ZFYVE9: variants seen among roughly 807,000 people sequenced by gnomAD.
The protein encoded by ZFYVE9 is zinc finger FYVE-type containing 9.
Under a neutral mutation model 126.7 loss-of-function variants are expected in ZFYVE9, and 43 were observed. The observed-to-expected ratio is 0.34, with a 90% confidence interval of 0.27 to 0.44. The LOEUF (loss-of-function observed/expected upper bound fraction) is 0.44, where lower values mean the gene tolerates loss of function less well. Among genes scored for constraint, ZFYVE9 ranks in the 20% least tolerant of loss-of-function variants. The pLI is 1.00. For synonymous variants in ZFYVE9, 521 were observed against 597.4 expected (o/e 0.87, Z 1.87); for missense variants, 1,476 against 1,697.0 (o/e 0.87, Z 2.29).
At position 52,266,672 on chromosome 1, in the gene ZFYVE9, A is replaced by G. The variant is rs779902842; in HGVS notation, c.2296A>G (p.Met766Val). The G allele has an allele frequency of 5.0e-6, 8 of 1,596,562 alleles. No homozygotes were observed. In the Admixed American group the frequency reaches 1.1e-4, roughly 21 times the overall value. The change falls in exon 6 of 19, where the codon ATG becomes GTG. Residue 766 changes from methionine (M) to valine (V), a missense_variant. By Grantham distance (21) the Met-to-Val change is conservative. This residue lies in a region of ZFYVE9 where 669 missense variants were observed against 902.4 expected (regional missense o/e 0.74). Coordinates refer to ENST00000287727, the MANE Select transcript of ZFYVE9 (RefSeq NM_004799.4). Reference protein sequence around the residue: ...VLMNAQAWENMMSASSQSPNP... With the variant: ...VLMNAQAWENVMSASSQSPNP... ...TGCTTTAGCTCAAGCCTGGGAGAAC[A>G]TGATGAGTGCCTCAAGCCAGAGCCC... is the stretch of plus-strand genomic sequence containing the variant.
At chr1:52,241,700 C>T (rs1053990359) in intron 4 of ZFYVE9, among the ~76,000 whole-genome samples, 7 of 151,990 alleles carry the variant, frequency 4.6e-5, no homozygotes, top group African/African-American at 7.3e-5. Context: ...CTTTTTCCCT[C>T]GTTTACCTTA....
rs113549507 is a variant in ZFYVE9, at chr1:52,157,128, G to A, written c.-143+14725G>A. On this transcript the variant is annotated intron_variant, in intron 1 of 18. Coordinates refer to ENST00000287727, the MANE Select transcript of ZFYVE9 (RefSeq NM_004799.4). ...ATTACAGGCGTGAGCCACCGCACCCGGCCTCCTTCCCCACTTTATAGTTGC... is the reference window on the plus strand; with the variant it reads ...ATTACAGGCGTGAGCCACCGCACCCAGCCTCCTTCCCCACTTTATAGTTGC... Among the ~76,000 whole-genome samples, 241 of 152,158 alleles carry A rather than the reference G, an allele frequency of 1.6e-3. 2 individuals carry two copies. The highest frequency in any genetic ancestry group is 5.2e-3 in the African/African-American group (216 of 41,514).
chr1:52,319,777 G>C (rs2147857724), intron 13 of ZFYVE9, among the ~76,000 whole-genome samples: 1 of 151,772 alleles, frequency 6.6e-6, no homozygotes, highest in South Asian at 2.1e-4. Context: ...CACTTGGGGA[G>C]GCCAAGGTGG....
chr1:52,237,787 G>C lies in ZFYVE9; in HGVS notation c.370G>C (p.Asp124His). The change falls in exon 4 of 19, where the codon GAT becomes CAT. Residue 124 changes from aspartate to histidine, a missense_variant. This residue lies in a region of ZFYVE9 where 807 missense variants were observed against 794.6 expected (regional missense o/e 1.02). Transcript: ENST00000287727. ...AATTAAGAGAAACTATAGTTGGGAT[G>C]ATCAATGCAGTGCTGTTGAAGTGGG... ...QLIKRNYSWD[D>H]QCSAVEVGEK... 6.2e-7 allele frequency: 1 copy of C among 1,614,130 alleles called. No individual in the cohort carries two copies. The highest frequency in any genetic ancestry group is 8.5e-7 in the Non-Finnish European group (1 of 1,179,988).
chr1:52,293,142 G>T (rs1645939297), intron 10 of ZFYVE9, among the ~76,000 whole-genome samples: 1 of 152,002 alleles, frequency 6.6e-6, no homozygotes, highest in South Asian at 2.1e-4. Flanking sequence ...ACTTTGGGAG[G>T]CTGAGGCAGG....
At chr1:52,343,572 A>T (rs977610003) in intron 17 of ZFYVE9, among the ~76,000 whole-genome samples, 2 of 151,884 alleles carry the variant, frequency 1.3e-5, no homozygotes, top group African/African-American at 4.8e-5. Flanking sequence ...CCTGGCCAAC[A>T]TGGTGAAACC....
intron 1 of ZFYVE9, among the ~76,000 whole-genome samples, chr1:52,214,930 A>C (rs187015865): frequency 6.6e-6 from 1 of 152,318 alleles, no homozygotes; most frequent in African/African-American, 2.4e-5. Flanking sequence ...GTCTGGTCAC[A>C]CTGGGGAGGG....
At chr1:52,343,873 A>G (rs1324035921) in intron 17 of ZFYVE9, among the ~76,000 whole-genome samples, 1 of 150,118 alleles carries the variant, frequency 6.7e-6, no homozygotes, top group African/African-American at 2.5e-5. Context: ...GGAGTTCAAG[A>G]CCAGCCTGGC....
chr1:52,211,377 T>C (rs1346374159), intron 1 of ZFYVE9, among the ~76,000 whole-genome samples: 4 of 152,118 alleles, frequency 2.6e-5, no homozygotes, highest in Non-Finnish European at 5.9e-5. Flanking sequence ...ATGGGAGATA[T>C]AGTAGCAGCC....
At chr1:52,211,411 T>TC (rs1168375837) in intron 1 of ZFYVE9, among the ~76,000 whole-genome samples, 1 of 152,158 alleles carries the variant, frequency 6.6e-6, no homozygotes, top group Non-Finnish European at 1.5e-5. Flanking sequence ...CAATCTGCCA[T>TC]CCCTACCTGA....
At chr1:52,292,513 C>T (rs1645932206) in intron 10 of ZFYVE9, among the ~76,000 whole-genome samples, 1 of 145,210 alleles carries the variant, frequency 6.9e-6, no homozygotes, top group Admixed American at 6.9e-5. Flanking sequence ...ACTCTATCGC[C>T]TAGGCTGGAG....
Position 52,332,923 on chromosome 1 carries a change from G to GC in ZFYVE9, c.3589+6dup, listed in dbSNP as rs753141458. 2.5e-6 allele frequency: 4 copies of GC among 1,613,920 alleles called. No individual in the cohort carries two copies. In the African/African-American group the frequency reaches 5.3e-5, roughly 22 times the overall value. On this transcript the variant is annotated splice_donor_region_variant and intron_variant, in intron 14 of 18. Transcript: ENST00000287727. ...TTCACAATCAGCCCAGAAAAGGTGAGCATTTGAGCTGGTTGAGATTATGAT... is the reference window on the plus strand; with the variant it reads ...TTCACAATCAGCCCAGAAAAGGTGAGCCATTTGAGCTGGTTGAGATTATGAT...
At chr1:52,295,847 A>C in intron 11 of ZFYVE9, 48 bp from the exon 12 acceptor site, 1 of 1,502,734 alleles carries the variant, frequency 6.7e-7, no homozygotes, top group Non-Finnish European at 9.2e-7. Context: ...TCTTTTACCA[A>C]AGTTTTATGT....
In ZFYVE9 at chr1:52,266,405, T is replaced by TTAAAAAAAA. The variant is rs1181730554; in HGVS notation, c.2279-250_2279-249insTAAAAAAAA. ...AGCCACCACTCCCGGTCTAATTCTT[T>TTAAAAAAAA]AAAAAAAAAAAAAAAAAAAAAAAAA... On this transcript the variant is annotated intron_variant, in intron 5 of 18. Coordinates refer to ENST00000287727, the MANE Select transcript of ZFYVE9 (RefSeq NM_004799.4). Among the ~76,000 whole-genome samples, 384 of 85,636 alleles carry TTAAAAAAAA rather than the reference T, an allele frequency of 4.5e-3. 4 individuals carry two copies. The highest frequency in any genetic ancestry group is 0.017 in the African/African-American group (365 of 20,870). 56.2% of individuals were successfully genotyped at this position (85,636 alleles called of 152,430 possible). A position where few individuals can be genotyped will look rare whatever the true frequency, so the allele number is the denominator to read the frequency against.
At chr1:52,218,236 G>C (rs370256498) in intron 2 of ZFYVE9, among the ~76,000 whole-genome samples, 4 of 152,106 alleles carry the variant, frequency 2.6e-5, no homozygotes, top group East Asian at 3.9e-4. Flanking sequence ...CACTCCAGTT[G>C]CTTGGCAGTG....
At chr1:52,144,466 C>T (rs1644290071) in intron 1 of ZFYVE9, among the ~76,000 whole-genome samples, 1 of 152,010 alleles carries the variant, frequency 6.6e-6, no homozygotes, top group Non-Finnish European at 1.5e-5. Flanking sequence ...ATGACGATGG[C>T]CCAAAGAACT....
At chr1:52,325,698 A>G (rs571832580) in intron 13 of ZFYVE9, among the ~76,000 whole-genome samples, 2 of 152,344 alleles carry the variant, frequency 1.3e-5, no homozygotes, top group East Asian at 1.9e-4. Context: ...TAACTAGTAT[A>G]TTCAGCAAGT....
At chr1:52,146,726 A>G (rs1644309647) in intron 1 of ZFYVE9, among the ~76,000 whole-genome samples, 1 of 152,218 alleles carries the variant, frequency 6.6e-6, no homozygotes, top group Non-Finnish European at 1.5e-5. Flanking sequence ...GTAGTTTACT[A>G]TTAATAAGTA....
intron 4 of ZFYVE9, among the ~76,000 whole-genome samples, chr1:52,249,243 A>G (rs370325610): frequency 6.6e-6 from 1 of 152,136 alleles, no homozygotes; most frequent in African/African-American, 2.4e-5. Context: ...TTTCTTCATA[A>G]ATTATCCAGT....
Sources: gnomAD v4.1 joint callset for allele counts (sites outside exome capture counted in the v4.1 genomes callset) on GRCh38, gnomAD v4.1.1 for gene constraint, gnomAD v4.1.1 regional missense constraint, MANE v1.5 for transcripts, NCBI Gene and HGNC (gene_info 2026-07-23, HGNC 2026-07-21) for gene names.